Variants in SEMA3C observed in about 807,000 individuals in gnomAD.
SEMA3C encodes semaphorin-3C.
In SEMA3C, 47 loss-of-function variants were observed where a neutral mutation model predicts 89.4. That is an observed-to-expected ratio of 0.53 (90% CI 0.42 to 0.67). The LOEUF (loss-of-function observed/expected upper bound fraction) is 0.67, where lower values mean the gene tolerates loss of function less well. Among genes scored for constraint, SEMA3C ranks in the 30% least tolerant of loss-of-function variants. The pLI is 0.00. For missense variants in SEMA3C, 839 were observed against 929.1 expected (o/e 0.90, Z 1.26); for synonymous variants, 310 against 320.2 (o/e 0.97, Z 0.34).
At chr7:80,867,674 G>A (rs1790959881) in intron 2 of SEMA3C, among the ~76,000 whole-genome samples, 2 of 151,880 alleles carry the variant, frequency 1.3e-5, no homozygotes, top group South Asian at 4.1e-4. Flanking sequence ...ATATAATGCT[G>A]GGTGAAAGTT....
intron 13 of SEMA3C, among the ~76,000 whole-genome samples, chr7:80,764,780 T>C (rs1357902529): frequency 6.6e-6 from 1 of 151,768 alleles, no homozygotes; most frequent in Non-Finnish European, 1.5e-5. Context: ...TAACAATCAA[T>C]AATGTGAAAG....
chr7:80,829,284 C>T (rs978330908), intron 2 of SEMA3C, among the ~76,000 whole-genome samples: 5 of 152,068 alleles, frequency 3.3e-5, no homozygotes, highest in African/African-American at 4.8e-5. Flanking sequence ...AAATCAGTCA[C>T]GTTTGCAATA....
At chr7:80,917,922 G>T (rs1229234088) in intron 1 of SEMA3C, among the ~76,000 whole-genome samples, 1 of 152,154 alleles carries the variant, frequency 6.6e-6, no homozygotes, top group African/African-American at 2.4e-5. Context: ...AGAATAAAAA[G>T]AATTAAATGG....
chr7:80,753,019 T>G (rs1455831394), intron 15 of SEMA3C, among the ~76,000 whole-genome samples: 1 of 152,130 alleles, frequency 6.6e-6, no homozygotes, highest in African/African-American at 2.4e-5. Flanking sequence ...ACAAAGTCAT[T>G]GATAGTGAAA....
At chr7:80,749,730 G>T (rs890659152) in intron 16 of SEMA3C, among the ~76,000 whole-genome samples, 14 of 152,258 alleles carry the variant, frequency 9.2e-5, no homozygotes, top group Non-Finnish European at 1.5e-4. Flanking sequence ...AAAACATGTA[G>T]TATTGCCAGG....
intron 12 of SEMA3C, among the ~76,000 whole-genome samples, chr7:80,784,370 G>A (rs572568926): frequency 6.6e-6 from 1 of 151,638 alleles, no homozygotes; most frequent in South Asian, 2.1e-4. Flanking sequence ...TTTTCAACCT[G>A]TGATTTTTTT....
At chr7:80,810,334 T>G (rs1275490361) in intron 6 of SEMA3C, among the ~76,000 whole-genome samples, 1 of 152,166 alleles carries the variant, frequency 6.6e-6, no homozygotes, top group African/African-American at 2.4e-5. Flanking sequence ...TGAAAACTAC[T>G]TTATGATAAT....
intron 8 of SEMA3C, 139 bp downstream of exon 8, chr7:80,803,967 A>G: frequency 1.4e-6 from 1 of 734,112 alleles, no homozygotes; most frequent in Middle Eastern, 3.5e-4. Context: ...AAATATAATA[A>G]TGATGATGAA....
At chr7:80,855,252 T>C (rs573489214) in intron 2 of SEMA3C, among the ~76,000 whole-genome samples, 15 of 152,168 alleles carry the variant, frequency 9.9e-5, no homozygotes, top group Non-Finnish European at 1.5e-4. Flanking sequence ...TGGAAAACTA[T>C]AATGGATGGT....
intron 2 of SEMA3C, among the ~76,000 whole-genome samples, chr7:80,849,244 A>G (rs1483757963): frequency 2.6e-5 from 4 of 152,190 alleles, no homozygotes; most frequent in South Asian, 2.1e-4. Flanking sequence ...TATATAATTT[A>G]CACACAGCTT....
At chr7:80,818,069 CA>C (rs1789652164) in intron 5 of SEMA3C, among the ~76,000 whole-genome samples, 1 of 151,782 alleles carries the variant, frequency 6.6e-6, no homozygotes, top group South Asian at 2.1e-4. Context: ...CACACACACA[CA>C]CACACACACA....
At chr7:80,825,600 C>T (rs572267888) in intron 4 of SEMA3C, among the ~76,000 whole-genome samples, 7 of 152,232 alleles carry the variant, frequency 4.6e-5, no homozygotes, top group East Asian at 1.9e-4. Context: ...TTCAGAAACT[C>T]GGCAGCAATT....
intron 6 of SEMA3C, 139 bp downstream of exon 6, chr7:80,810,472 T>C: frequency 3.4e-6 from 2 of 582,722 alleles, no homozygotes; most frequent in Non-Finnish European, 6.0e-6. Flanking sequence ...GAACTCTCTA[T>C]TTCTCAGCTC....
In SEMA3C at chr7:80,910,321, T is replaced by C. The variant is rs566952226; in HGVS notation, c.103+6358A>G. Among the ~76,000 whole-genome samples the C allele has an allele frequency of 2.2e-4, 34 of 152,306 alleles. No individual in the cohort carries two copies. The South Asian group carries it at 6.6e-3, about 30-fold the overall frequency. On this transcript the variant is annotated intron_variant, in intron 2 of 17. Coordinates refer to ENST00000265361, the MANE Select transcript of SEMA3C (RefSeq NM_006379.5). ...AGAGCTTAAAGACAGCTCATTCTCA[T>C]TGGATAAGGAGGATGGGTTGAAATG...
chr7:80,840,468 G>C (rs1790236928), intron 2 of SEMA3C, among the ~76,000 whole-genome samples: 1 of 145,058 alleles, frequency 6.9e-6, no homozygotes, highest in East Asian at 2.2e-4. Flanking sequence ...GCAGCGAGCT[G>C]TGATTGCACC....
At chr7:80,802,883 A>G (rs562525290) in intron 8 of SEMA3C, 104 bp from the exon 9 acceptor site, 9 of 700,518 alleles carry the variant, frequency 1.3e-5, no homozygotes, top group Non-Finnish European at 2.3e-5. Context: ...AAATCTGAAG[A>G]ATGGATATGT....
Position 80,851,647 on chromosome 7 carries a change from C to A in SEMA3C, c.104-22902G>T, listed in dbSNP as rs570267583. On this transcript the variant is annotated intron_variant, in intron 2 of 17. Coordinates refer to ENST00000265361, the MANE Select transcript of SEMA3C (RefSeq NM_006379.5). ...ATGGTTTCAAAGGAGCAAGACCTAA[C>A]TGAGTGCCAGAATCAGCTGAGAGGG... Among the ~76,000 whole-genome samples the A allele has an allele frequency of 2.2e-4, 33 of 150,244 alleles. 1 individual carries two copies. Among genetic ancestry groups the A allele is most frequent in the Non-Finnish European group, 2.2e-4 (15 of 67,692 alleles).
At chr7:80,880,156 T>C (rs1490907546) in intron 2 of SEMA3C, among the ~76,000 whole-genome samples, 5 of 152,174 alleles carry the variant, frequency 3.3e-5, no homozygotes, top group Non-Finnish European at 7.4e-5. Context: ...TTCAAATCTT[T>C]GCTCAAATCT....
Position 80,798,667 on chromosome 7 carries a change from T to C in SEMA3C, c.987-431A>G, listed in dbSNP as rs558846871. On this transcript the variant is annotated intron_variant, in intron 10 of 17. Coordinates refer to ENST00000265361, the MANE Select transcript of SEMA3C (RefSeq NM_006379.5). ...AACACCATATCTTTTTGTGTTATGATTATTTTAATATGAGAGTGTTCTCAC... is the reference window on the plus strand; with the variant it reads ...AACACCATATCTTTTTGTGTTATGACTATTTTAATATGAGAGTGTTCTCAC... Among the ~76,000 whole-genome samples the C allele has an allele frequency of 7.2e-5, 11 of 152,360 alleles. No homozygotes were observed. In the South Asian group the frequency reaches 2.1e-3, roughly 29 times the overall value.
Sources: gnomAD v4.1 joint callset for allele counts (sites outside exome capture counted in the v4.1 genomes callset) on GRCh38, gnomAD v4.1.1 for gene constraint, MANE v1.5 for transcripts, NCBI Gene and HGNC (gene_info 2026-07-23, HGNC 2026-07-21) for gene names.